KCNN2: variants seen among roughly 807,000 people sequenced by gnomAD.
The protein encoded by KCNN2 is potassium calcium-activated channel subfamily N member 2.
KCNN2 carries 24 observed loss-of-function variants against 55.5 expected under a neutral mutation model. That is an observed-to-expected ratio of 0.43 (90% CI 0.31 to 0.61). The LOEUF (loss-of-function observed/expected upper bound fraction) is 0.61, where lower values mean the gene tolerates loss of function less well. Ranked by LOEUF, KCNN2 falls within the 20% of genes least tolerant of loss-of-function variation. The probability of loss-of-function intolerance (pLI) is 0.08; values close to 1 mark genes in which losing one functional copy is unlikely to be tolerated. For missense variants in KCNN2, 754 were observed against 853.6 expected (o/e 0.88, Z 1.45); for synonymous variants, 431 against 336.1 (o/e 1.28, Z -3.09).
intron 2 of KCNN2, among the ~76,000 whole-genome samples, chr5:114,331,491 T>G (rs1382709357): frequency 6.6e-6 from 1 of 151,952 alleles, no homozygotes; most frequent in Non-Finnish European, 1.5e-5. Context: ...CTCATTAATT[T>G]GGATTTTGCT....
intron 3 of KCNN2, chr5:114,433,747 A>G (rs1175786908): frequency 6.5e-6 from 1 of 152,916 alleles, no homozygotes; most frequent in Non-Finnish European, 1.5e-5. Context: ...GAAGGTCTGC[A>G]GCTTCACTCC....
intron 2 of KCNN2, among the ~76,000 whole-genome samples, chr5:114,273,092 G>A (rs936076671): frequency 6.6e-6 from 1 of 152,018 alleles, no homozygotes; most frequent in East Asian, 1.9e-4. Context: ...TATTCTCATT[G>A]TTCAACTCCC....
At chr5:114,440,871 A>G (rs11951774) in intron 3 of KCNN2, among the ~76,000 whole-genome samples, 151,955 of 152,312 alleles carry the variant, frequency 1, 75,800 homozygotes, top group Middle Eastern at 1. Flanking sequence ...ACAATGTGAT[A>G]GCTAAAACCC....
chr5:114,418,943 A>G (rs1197469705), intron 3 of KCNN2, among the ~76,000 whole-genome samples: 1 of 152,224 alleles, frequency 6.6e-6, no homozygotes, highest in African/African-American at 2.4e-5. Flanking sequence ...ACTTCCTCAT[A>G]CAAGCATATC....
intron 1 of KCNN2, among the ~76,000 whole-genome samples, chr5:114,073,709 C>T (rs1394658662): frequency 2.0e-5 from 3 of 152,180 alleles, no homozygotes; most frequent in Non-Finnish European, 4.4e-5. Context: ...TGGTCCTAAG[C>T]TCAGTTCATT....
intron 5 of KCNN2, among the ~76,000 whole-genome samples, chr5:114,479,850 C>T (rs752552734): frequency 1.8e-4 from 28 of 151,986 alleles, no homozygotes; most frequent in African/African-American, 3.6e-4. Flanking sequence ...AAAGAGGCAA[C>T]GTAGCAGAAT....
intron 1 of KCNN2, among the ~76,000 whole-genome samples, chr5:114,061,289 C>T (rs1750324085): frequency 1.3e-5 from 2 of 152,154 alleles, no homozygotes; most frequent in African/African-American, 4.8e-5. Flanking sequence ...CGCTACCTCC[C>T]CACCCCCACT....
At chr5:114,442,342 A>G (rs1348410436) in intron 3 of KCNN2, among the ~76,000 whole-genome samples, 1 of 151,588 alleles carries the variant, frequency 6.6e-6, no homozygotes, top group East Asian at 1.9e-4. Context: ...TGTTCATTGA[A>G]GTTTGGAGGA....
intron 2 of KCNN2, among the ~76,000 whole-genome samples, chr5:114,298,196 G>A (rs562625179): frequency 3.4e-4 from 52 of 152,326 alleles, no homozygotes; most frequent in African/African-American, 1.0e-3. Flanking sequence ...AAGAATACAC[G>A]TTCTTTAATG....
intron 5 of KCNN2, among the ~76,000 whole-genome samples, chr5:114,484,874 G>C (rs560780031): frequency 2.3e-4 from 35 of 152,214 alleles, no homozygotes; most frequent in African/African-American, 8.2e-4. Flanking sequence ...TTCAGATGAG[G>C]AATCATTTTC....
chr5:114,465,609 T>A (rs369509469), intron 4 of KCNN2, among the ~76,000 whole-genome samples: 9 of 143,808 alleles, frequency 6.3e-5, no homozygotes, highest in Admixed American at 4.8e-4. Context: ...TGAAACTCCA[T>A]CATCTCAAAA....
chr5:114,477,998 G>A (rs1762048917), intron 5 of KCNN2, among the ~76,000 whole-genome samples: 1 of 152,132 alleles, frequency 6.6e-6, no homozygotes, highest in African/African-American at 2.4e-5. Context: ...CACAGCCCAG[G>A]GGGTTAACAC....
At chr5:114,196,945 A>C (rs1002209197) in intron 1 of KCNN2, among the ~76,000 whole-genome samples, 2 of 151,928 alleles carry the variant, frequency 1.3e-5, no homozygotes, top group Non-Finnish European at 2.9e-5. Context: ...TTATTGATTG[A>C]GATCTTTCTC....
At chr5:114,457,635 T>G (rs2125773) in intron 3 of KCNN2, among the ~76,000 whole-genome samples, 124,567 of 152,054 alleles carry the variant, frequency 0.82, 51,205 homozygotes, top group East Asian at 0.93. Flanking sequence ...GTTTTCAGCT[T>G]AATAATCAAG....
At chr5:114,401,846 A>G (rs1194554540) in intron 2 of KCNN2, among the ~76,000 whole-genome samples, 1 of 152,236 alleles carries the variant, frequency 6.6e-6, no homozygotes, top group African/African-American at 2.4e-5. Context: ...TTGGAGAGAT[A>G]GGCAAAACCA....
chr5:114,321,483 C>A (rs1187552612), intron 2 of KCNN2, among the ~76,000 whole-genome samples: 1 of 152,136 alleles, frequency 6.6e-6, no homozygotes, highest in African/African-American at 2.4e-5. Flanking sequence ...CTATAAGTAG[C>A]TCTCTTGGAG....
intron 6 of KCNN2, among the ~76,000 whole-genome samples, chr5:114,490,896 G>A (rs1747812881): frequency 2.6e-5 from 4 of 152,076 alleles, no homozygotes; most frequent in African/African-American, 9.7e-5. Context: ...TTTTTTGGGG[G>A]GAAAAGTGTA....
intron 3 of KCNN2, among the ~76,000 whole-genome samples, chr5:114,443,950 G>A (rs1314909239): frequency 6.6e-6 from 1 of 152,162 alleles, no homozygotes. Flanking sequence ...TAAAGCAATT[G>A]GACTTTTCAT....
chr5:114,369,576 A>C (rs577421513), intron 2 of KCNN2, among the ~76,000 whole-genome samples: 1 of 152,270 alleles, frequency 6.6e-6, no homozygotes, highest in Non-Finnish European at 1.5e-5. Flanking sequence ...ACTTGCCTGA[A>C]TTCCTTTGTT....
Sources: allele counts gnomAD v4.1 joint callset (sites outside exome capture counted in the v4.1 genomes callset), GRCh38; gene constraint gnomAD v4.1.1; transcripts MANE v1.5; gene names NCBI Gene and HGNC (gene_info 2026-07-23, HGNC 2026-07-21).